ATP13A2: variants seen among roughly 807,000 people sequenced by gnomAD.
ATP13A2 encodes polyamine-transporting ATPase 13A2.
Under a neutral mutation model 138.3 loss-of-function variants are expected in ATP13A2, and 83 were observed. That is an observed-to-expected ratio of 0.60 (90% CI 0.50 to 0.72). ATP13A2 has a LOEUF of 0.72. Ranked by LOEUF, ATP13A2 falls within the 30% of genes least tolerant of loss-of-function variation. The probability of loss-of-function intolerance (pLI) is 0.00; values close to 1 mark genes in which losing one functional copy is unlikely to be tolerated. For synonymous variants in ATP13A2, 663 were observed against 699.0 expected, an observed-to-expected ratio of 0.95 and a Z score of 0.81; for missense variants, 1,402 against 1,606.4, an observed-to-expected ratio of 0.87 and a Z score of 2.17.
chr1:17,011,912 G>T lies in ATP13A2; in HGVS notation c.-174C>A. The T allele has an allele frequency of 2.1e-6, 1 of 480,494 alleles. No homozygotes were observed. Among genetic ancestry groups the T allele is most frequent in the African/African-American group, 2.1e-5 (1 of 47,536 alleles). The allele number at this position is 480,494 out of a possible 1,614,324, so 29.8% of individuals were successfully genotyped here. On this transcript the variant is annotated 5_prime_UTR_variant, in exon 1 of 29. Coordinates refer to ENST00000326735, the MANE Select transcript of ATP13A2 (RefSeq NM_022089.4). This position sits in a 1 kb window ranked among gnomAD's most constrained non-coding sequence, Gnocchi z 7.3. ...GCGGGGCACCTGGGCCACCAGGCTC[G>T]GCGCGGCTCCGACACTGCCGCAGTC...
At position 16,996,343 on chromosome 1, in the gene ATP13A2, TGGG is replaced by T. The variant is rs140436868; in HGVS notation, c.1306+40_1306+42del. 24 of 1,611,546 alleles carry T rather than the reference TGGG, an allele frequency of 1.5e-5. No individual in the cohort carries two copies. In the East Asian group the frequency reaches 4.9e-4, roughly 33 times the overall value. ...GACTGAGTGGGATTTGGGACCCAGG[TGGG>T]GGGGGCTATGGGCAGAGGAGGGTGC... On this transcript the variant is annotated intron_variant, in intron 13 of 28. Transcript: ENST00000326735.
intron 1 of ATP13A2, among the ~76,000 whole-genome samples, chr1:17,006,993 C>T (rs1405984875): frequency 1.3e-5 from 2 of 152,008 alleles, no homozygotes; most frequent in African/African-American, 2.4e-5. Flanking sequence ...CAGGTTCAAG[C>T]GATTATCCTG....
At chr1:17,009,388 T>C (rs976243934) in intron 1 of ATP13A2, among the ~76,000 whole-genome samples, 1 of 14,224 alleles carries the variant, frequency 7.0e-5, no homozygotes, top group African/African-American at 1.7e-4. Context: ...AGCCTCTTCC[T>C]TTTTTTTTTT....
chr1:16,991,972 T>G, intron 19 of ATP13A2, 37 bp downstream of exon 19: 1 of 1,609,878 alleles, frequency 6.2e-7, no homozygotes, highest in Non-Finnish European at 8.5e-7. Context: ...TCCCTCTGCC[T>G]AGTCCTCAGA....
rs528943677 is a variant in ATP13A2 at position 16,986,355 on chromosome 1, C to T, written c.3409G>A (p.Val1137Met). ...NFVGAFMLESVLDQCLPACLR... is the reference protein window; with the variant it reads ...NFVGAFMLESMLDQCLPACLR... ...CAGGCGGGGAGGCACTGGTCTAGCA[C>T]GCTCTGCAAAGGGCAGGGAGGGTGT... is the stretch of plus-strand genomic sequence containing the variant. Residue 1137 changes from valine to methionine, a missense_variant, in exon 29 of 29, where the codon GTG (valine) becomes ATG (methionine). Physicochemically the swap from Val to Met is conservative, Grantham distance 21. Transcript: ENST00000326735. This position sits in a 1 kb window ranked among gnomAD's most constrained non-coding sequence, Gnocchi z 6.9. The T allele has an allele frequency of 2.3e-5, 36 of 1,579,496 alleles. No individual in the cohort carries two copies. Among genetic ancestry groups the T allele is most frequent in the Admixed American group, 3.7e-5 (2 of 54,210 alleles).
At position 16,986,533 on chromosome 1, in the gene ATP13A2, G is replaced by C. The variant is rs1268296341; in HGVS notation, c.3335C>G (p.Thr1112Ser). The change falls in exon 28 of 29, where the codon ACT (threonine) becomes AGT (serine). Residue 1112 changes from threonine to serine, a missense_variant. Thr to Ser is a moderately conservative substitution (Grantham distance 58). Coordinates refer to ENST00000326735, the MANE Select transcript of ATP13A2 (RefSeq NM_022089.4). This position sits in a 1 kb window ranked among gnomAD's most constrained non-coding sequence, Gnocchi z 6.9. ...LQGPLALRNI[T>S]DTGFKLLLLG... The stretch of plus-strand genomic sequence containing the variant: ...CAGCAGCAGCTTGAAGCCGGTGTCA[G>C]TGATGTTCCTCAGCGCCAGCGGCCC... 3.1e-6 allele frequency: 5 copies of C among 1,612,608 alleles called. No individual in the cohort carries two copies. In the African/African-American group the frequency reaches 5.3e-5, roughly 17 times the overall value.
chr1:16,996,255 C>A lies in ATP13A2; in HGVS notation c.1352G>T (p.Arg451Leu). The A allele has an allele frequency of 6.2e-7, 1 of 1,614,174 alleles. No homozygotes were observed. Reference protein sequence around the residue: ...IYSIFILYRNRVPLNEIVIRA... With the variant: ...IYSIFILYRNLVPLNEIVIRA... ...CCCCACCCCACCCCCAAGGCTTACCCGGTTTCGGTAGAGGATGAAGATGCT... is the reference window on the plus strand; with the variant it reads ...CCCCACCCCACCCCCAAGGCTTACCAGGTTTCGGTAGAGGATGAAGATGCT... The change falls in exon 14 of 29, where the codon CGG becomes CTG. Residue 451 changes from arginine (R) to leucine (L), a missense_variant and splice_region_variant. Arg to Leu is a moderately radical substitution (Grantham distance 102, BLOSUM62 -2). Transcript: ENST00000326735.
intron 11 of ATP13A2, 60 bp from the exon 12 acceptor site, chr1:16,997,235 G>A: frequency 5.0e-6 from 8 of 1,603,310 alleles, no homozygotes; most frequent in Admixed American, 1.7e-5. Context: ...AGCAAACCAG[G>A]AGTTCTGTGT....
chr1:16,988,382 G>A lies in ATP13A2; in HGVS notation c.2702C>T (p.Ser901Leu), dbSNP rs1282297805. Residue 901 changes from serine to leucine, a missense_variant, in exon 24 of 29, where the codon TCA becomes TTA. Ser to Leu is a moderately radical substitution (Grantham distance 145). Coordinates refer to ENST00000326735, the MANE Select transcript of ATP13A2 (RefSeq NM_022089.4). ...VGISLSQAEA[S>L]VVSPFTSSMA... ...GCTCGAGGTGAAGGGTGAGACCACT[G>A]AGGCTTCTGCCTGGGACAGCGAGAT... 3.7e-6 allele frequency: 6 copies of A among 1,614,114 alleles called. No individual in the cohort carries two copies. The highest frequency in any genetic ancestry group is 1.7e-5 in the Admixed American group (1 of 60,022).
intron 6 of ATP13A2, among the ~76,000 whole-genome samples, chr1:17,003,598 C>CACAT (rs2077442463): frequency 1.3e-5 from 2 of 149,628 alleles, no homozygotes; most frequent in South Asian, 4.3e-4. Context: ...CACACACACA[C>CACAT]ACACACACAC....
At chr1:17,003,285 C>T (rs893396277) in intron 6 of ATP13A2, among the ~76,000 whole-genome samples, 2 of 152,094 alleles carry the variant, frequency 1.3e-5, no homozygotes, top group Non-Finnish European at 2.9e-5. Flanking sequence ...GAGCAGGGCC[C>T]GGTGGCTCAT....
chr1:17,002,202 C>T (rs542073430), intron 7 of ATP13A2, 94 bp downstream of exon 7: 1 of 1,577,280 alleles, frequency 6.3e-7, no homozygotes, highest in East Asian at 2.3e-5. Flanking sequence ...GGAACTGAGG[C>T]CCAGAGAAGG....
Position 16,991,806 on chromosome 1 carries a change from G to T in ATP13A2, c.2179C>A (p.Leu727Ile). 1.9e-6 allele frequency: 3 copies of T among 1,614,168 alleles called. No individual in the cohort carries two copies. Among genetic ancestry groups the T allele is most frequent in the Non-Finnish European group, 2.5e-6 (3 of 1,180,048 alleles). The change falls in exon 20 of 29, where the codon CTA (leucine) becomes ATA (isoleucine). Residue 727 changes from leucine to isoleucine, a missense_variant. By Grantham distance (5) the Leu-to-Ile change is conservative. Transcript: ENST00000326735. ...ACTGGCGTTGTCTGCGGCTTCAGTA[G>T]GTTCCTCATGACCAGCAGCCCCAGG... is the stretch of plus-strand genomic sequence containing the variant. ...SLLGLLVMRN[L>I]LKPQTTPVIQ...
Position 16,988,180 on chromosome 1 carries a change from C to G in ATP13A2, c.2817G>C (p.Leu939=). 1 of 1,614,204 alleles carries G rather than the reference C, an allele frequency of 6.2e-7. No individual in the cohort carries two copies. The highest frequency in any genetic ancestry group is 8.5e-7 in the Non-Finnish European group (1 of 1,180,036). The change falls in exon 25 of 29, where the codon CTG becomes CTC. Residue 939 remains leucine (L), a synonymous_variant. Coordinates refer to ENST00000326735, the MANE Select transcript of ATP13A2 (RefSeq NM_022089.4). The part of the protein sequence containing the change: ...TSFSVFKYMA[L]YSLTQFISVL... ...CGGAGATGAACTGGGTCAGGCTGTA[C>G]AGAGCCATGTACTTGAAGACGCTGA...
At chr1:16,996,560 T>C (rs1008911529) in intron 12 of ATP13A2, 64 bp from the exon 13 acceptor site, 11 of 1,306,230 alleles carry the variant, frequency 8.4e-6, no homozygotes, top group Non-Finnish European at 1.1e-5. Flanking sequence ...TCCCCACCCC[T>C]AGCCCTCCCG....
At chr1:16,988,517 A>G in intron 23 of ATP13A2, 43 bp from the exon 24 acceptor site, 1 of 1,612,730 alleles carries the variant, frequency 6.2e-7, no homozygotes, top group Non-Finnish European at 8.5e-7. Context: ...GAATTACCCC[A>G]CCACCCCATG....
intron 8 of ATP13A2, among the ~76,000 whole-genome samples, chr1:17,001,693 T>A (rs2077363105): frequency 6.6e-6 from 1 of 152,114 alleles, no homozygotes; most frequent in Admixed American, 6.6e-5. Flanking sequence ...ACGGGACTGT[T>A]GGGAGCATGA....
At position 17,004,529 on chromosome 1, in the gene ATP13A2, G is replaced by C. The variant is rs576432684; in HGVS notation, c.478-118C>G. The C allele has an allele frequency of 1.3e-6, 2 of 1,525,880 alleles. No individual in the cohort carries two copies. The highest frequency in any genetic ancestry group is 1.9e-5 in the Admixed American group (1 of 53,982). The allele number at this position is 1,525,880 out of a possible 1,614,324, so 94.5% of individuals were successfully genotyped here. On this transcript the variant is annotated intron_variant, in intron 5 of 28. Coordinates refer to ENST00000326735, the MANE Select transcript of ATP13A2 (RefSeq NM_022089.4). The surrounding 1 kb of genome is among the most constrained non-coding windows in gnomAD (Gnocchi z 4.1). ...GCAGGGACTGGTGTCACCAGACAGA[G>C]AGGTGGGGAGAGGCCTGAAAGTGTA...
intron 23 of ATP13A2, among the ~76,000 whole-genome samples, chr1:16,988,768 G>C (rs545680132): frequency 1.6e-4 from 25 of 152,194 alleles, no homozygotes; most frequent in Non-Finnish European, 3.4e-4. Flanking sequence ...AAGTAGCTGG[G>C]ATTACAGACG....
Sources: gnomAD v4.1 joint callset for allele counts (sites outside exome capture counted in the v4.1 genomes callset) on GRCh38, gnomAD v4.1.1 for gene constraint, Gnocchi (gnomAD v3.1) non-coding constraint, MANE v1.5 for transcripts, NCBI Gene and HGNC (gene_info 2026-07-23, HGNC 2026-07-21) for gene names.